Variants in OR2L13 observed in about 807,000 individuals in gnomAD.
The protein encoded by OR2L13 is olfactory receptor 2L13.
OR2L13 carries 14 observed loss-of-function variants against 15.3 expected under a neutral mutation model. The observed-to-expected ratio is 0.91, with a 90% CI of 0.60 to 1.43. The LOEUF is 1.43. Among genes scored for constraint, OR2L13 ranks in the 40% most tolerant of loss-of-function variants. OR2L13 has a pLI of 0.00. For missense variants in OR2L13, 367 were observed against 387.9 expected, an observed-to-expected ratio of 0.95 and a Z score of 0.45; for synonymous variants, 152 against 142.9, an observed-to-expected ratio of 1.06 and a Z score of -0.45.
chr1:247,992,869 T>G, the OR2L13 span, among the ~76,000 whole-genome samples: 1 of 151,194 alleles, frequency 6.6e-6, no homozygotes, highest in African/African-American at 2.4e-5. Flanking sequence ...TAGAATGATT[T>G]TGTGTGTGTG....
chr1:247,978,850 T>C, the OR2L13 span, among the ~76,000 whole-genome samples: 1 of 151,334 alleles, frequency 6.6e-6, no homozygotes, highest in Admixed American at 6.6e-5. Flanking sequence ...CTGTCTACTC[T>C]CCTGGGCACC....
chr1:247,989,616 T>A, the OR2L13 span, among the ~76,000 whole-genome samples: 12 of 152,184 alleles, frequency 7.9e-5, no homozygotes. Context: ...AAATAAGATA[T>A]TTTTCTAAAT....
exon 3 of OR2L13, chr1:248,100,351 C>T: frequency 7.7e-7 from 1 of 1,294,186 alleles, no homozygotes; most frequent in South Asian, 1.3e-5. Context: ...TTTCCTCTTT[C>T]CAAGTTGATT....
At chr1:248,060,238 T>A in the OR2L13 span, among the ~76,000 whole-genome samples, 1 of 152,214 alleles carries the variant, frequency 6.6e-6, no homozygotes, top group Non-Finnish European at 1.5e-5. Context: ...GTAATAGAGA[T>A]ATCTTTCTTA....
At chr1:248,092,836 T>C (rs982949094), upstream of OR2L13, among the ~76,000 whole-genome samples, 9 of 152,160 alleles carry the variant, frequency 5.9e-5, no homozygotes, top group African/African-American at 2.2e-4. Context: ...AATGAGTAAC[T>C]TCCATCTCTG....
At chr1:247,953,881 C>G in the OR2L13 span, among the ~76,000 whole-genome samples, 1 of 152,016 alleles carries the variant, frequency 6.6e-6, no homozygotes, top group Non-Finnish European at 1.5e-5. Context: ...TTTACACCCC[C>G]ATATACCTCC....
chr1:247,951,991 G>A, the OR2L13 span, among the ~76,000 whole-genome samples: 5,708 of 152,246 alleles, frequency 0.037, 119 homozygotes, highest in African/African-American at 0.059. Context: ...GTGTGTGTGT[G>A]TGCGCGCGTG....
chr1:248,046,749 A>T, the OR2L13 span: 2 of 152,204 alleles, frequency 1.3e-5, no homozygotes, highest in African/African-American at 2.4e-5. Flanking sequence ...GGTCTCTGAA[A>T]TCTCACATGC....
At chr1:248,003,218 A>T in the OR2L13 span, 1 of 1,524,672 alleles carries the variant, frequency 6.6e-7, no homozygotes, top group South Asian at 1.1e-5. Context: ...CTTCATCCTC[A>T]TTGTTTTCAT....
the OR2L13 span, among the ~76,000 whole-genome samples, chr1:248,034,618 T>G: frequency 6.6e-6 from 1 of 152,194 alleles, no homozygotes; most frequent in African/African-American, 2.4e-5. Flanking sequence ...CAGAATGTAT[T>G]TCCATTTATC....
the OR2L13 span, among the ~76,000 whole-genome samples, chr1:248,019,705 A>C: frequency 1.3e-5 from 2 of 151,716 alleles, no homozygotes; most frequent in African/African-American, 4.8e-5. Flanking sequence ...TCCTGACTCT[A>C]TTTTCCTCCT....
chr1:248,053,475 C>T, the OR2L13 span, among the ~76,000 whole-genome samples: 4 of 152,272 alleles, frequency 2.6e-5, no homozygotes, highest in East Asian at 1.9e-4. Flanking sequence ...CACCCAGTAA[C>T]GGGAATGCCG....
At chr1:247,990,692 T>C in the OR2L13 span, 1 of 1,535,024 alleles carries the variant, frequency 6.5e-7, no homozygotes, top group South Asian at 1.1e-5. Context: ...GTGTGTGCAC[T>C]GATGATAACA....
chr1:248,062,256 A>G, the OR2L13 span: 2 of 152,270 alleles, frequency 1.3e-5, no homozygotes, highest in Admixed American at 6.5e-5. Context: ...TATATTTTAG[A>G]TCAACAAAAG....
chr1:248,052,101 A>G, the OR2L13 span, among the ~76,000 whole-genome samples: 5 of 152,164 alleles, frequency 3.3e-5, no homozygotes, highest in African/African-American at 1.2e-4. Context: ...CAGCTGTATC[A>G]TTTTCCACAG....
chr1:247,942,796 G>T, the OR2L13 span, among the ~76,000 whole-genome samples: 1 of 152,098 alleles, frequency 6.6e-6, no homozygotes, highest in African/African-American at 2.4e-5. Context: ...TTTATATTGT[G>T]CAATCATCCC....
the OR2L13 span, chr1:248,038,225 T>G: frequency 7.4e-7 from 1 of 1,353,028 alleles, no homozygotes; most frequent in Non-Finnish European, 1.0e-6. Flanking sequence ...TGTTCTTAAT[T>G]TACCCTTTTG....
the OR2L13 span, chr1:248,023,792 G>A: frequency 2.0e-5 from 3 of 152,242 alleles, no homozygotes; most frequent in South Asian, 4.1e-4. Flanking sequence ...CCTGAGAAAC[G>A]CTTTAGTCTC....
At chr1:247,947,320 G>T in the OR2L13 span, among the ~76,000 whole-genome samples, 1 of 152,244 alleles carries the variant, frequency 6.6e-6, no homozygotes, top group Non-Finnish European at 1.5e-5. Context: ...GTGTGTGATT[G>T]TGCATATTTG....
Sources: gnomAD v4.1 joint callset for allele counts (sites outside exome capture counted in the v4.1 genomes callset) on GRCh38, gnomAD v4.1.1 for gene constraint, MANE v1.5 for transcripts, NCBI Gene and HGNC (gene_info 2026-07-23, HGNC 2026-07-21) for gene names.